Variants in ANKLE2 observed in about 807,000 individuals in gnomAD.
The protein encoded by ANKLE2 is ankyrin repeat and LEM domain-containing protein 2.
ANKLE2 carries 55 observed loss-of-function variants against 84.2 expected under a neutral mutation model. The observed-to-expected ratio is 0.65, with a 90% CI of 0.53 to 0.82. The LOEUF is 0.82. ANKLE2 is among the 40% of genes least tolerant of loss of function. The probability of loss-of-function intolerance (pLI) is 0.00; values close to 1 mark genes in which losing one functional copy is unlikely to be tolerated. For missense variants in ANKLE2, 1,238 were observed against 1,201.9 expected, an observed-to-expected ratio of 1.03 and a Z score of -0.44; for synonymous variants, 551 against 486.1, an observed-to-expected ratio of 1.13 and a Z score of -1.76.
intron 12 of ANKLE2, 65 bp from the exon 13 acceptor site, chr12:132,727,508 G>A (rs1460120293): frequency 1.3e-5 from 18 of 1,401,222 alleles, no homozygotes; most frequent in Middle Eastern, 1.8e-4. Flanking sequence ...AGCAAAAGTC[G>A]GAGAATAATG....
At position 132,743,369 on chromosome 12, in the gene ANKLE2, A is replaced by G; in HGVS notation, c.1231-93T>C. On this transcript the variant is annotated intron_variant, in intron 5 of 12. Coordinates refer to ENST00000357997, the MANE Select transcript of ANKLE2 (RefSeq NM_015114.3). This position sits in a 1 kb window ranked among gnomAD's most constrained non-coding sequence, Gnocchi z 4.1. ...TACATATTCATTCATTCATTCATTC[A>G]TTTATTTATTTTGAGACGGAGTCTC... The G allele has an allele frequency of 7.0e-7, 1 of 1,420,202 alleles. No individual in the cohort carries two copies. The highest frequency in any genetic ancestry group is 9.4e-7 in the Non-Finnish European group (1 of 1,068,610). 88.0% of individuals were successfully genotyped at this position (1,420,202 alleles called of 1,614,324 possible). A position where few individuals can be genotyped will look rare whatever the true frequency, so the allele number is the denominator to read the frequency against.
intron 2 of ANKLE2, among the ~76,000 whole-genome samples, chr12:132,752,771 T>G (rs1018076710): frequency 6.6e-6 from 1 of 152,190 alleles, no homozygotes; most frequent in African/African-American, 2.4e-5. Flanking sequence ...GGTATCACAG[T>G]AATAACAATA....
intron 3 of ANKLE2, among the ~76,000 whole-genome samples, chr12:132,749,779 C>G (rs777505023): frequency 6.6e-6 from 1 of 152,236 alleles, no homozygotes; most frequent in Non-Finnish European, 1.5e-5. Context: ...GGGCATGGGT[C>G]AGACTTCGGG....
rs1477413314 is a variant in ANKLE2, at chr12:132,748,187, C to T, written c.992G>A (p.Ser331Asn). The T allele has an allele frequency of 6.2e-7, 1 of 1,614,010 alleles. No individual in the cohort carries two copies. The highest frequency in any genetic ancestry group is 2.2e-5 in the East Asian group (1 of 44,882). The change falls in exon 4 of 13, where the codon AGC (serine) becomes AAC (asparagine). Residue 331 changes from serine (S) to asparagine (N), a missense_variant. Coordinates refer to ENST00000357997, the MANE Select transcript of ANKLE2 (RefSeq NM_015114.3). The stretch of plus-strand genomic sequence containing the variant: ...TGAGCCTATCAGATACCGGGGGTTG[C>T]TCCAGATAAGGTCAGAAAAGGTGTC... ...EEDTFSDLIWSNPRYLIGSGD... is the reference protein window; with the variant it reads ...EEDTFSDLIWNNPRYLIGSGD...
chr12:132,733,448 G>C (rs1242419443), intron 10 of ANKLE2, among the ~76,000 whole-genome samples: 125 of 93,570 alleles, frequency 1.3e-3, no homozygotes, highest in Middle Eastern at 0.012. Flanking sequence ...CTCTCTGCGT[G>C]CTGGTGTCTG....
At chr12:132,728,329 A>G (rs1428484626) in intron 11 of ANKLE2, among the ~76,000 whole-genome samples, 166 bp from the exon 12 acceptor site, 6 of 152,122 alleles carry the variant, frequency 3.9e-5, no homozygotes, top group Admixed American at 1.3e-4. Flanking sequence ...TCCCGGGTTC[A>G]AGCAATTCTC....
Position 132,729,888 on chromosome 12 carries a change from A to G in ANKLE2, c.2274T>C (p.Thr758=). 3.1e-6 allele frequency: 5 copies of G among 1,613,558 alleles called. No individual in the cohort carries two copies. The highest frequency in any genetic ancestry group is 4.2e-6 in the Non-Finnish European group (5 of 1,179,868). ...TTCTTGAAGTCAGGATCTGATCTTT[A>G]GTTTTTGTACTTTCATCTGGTGTCT... ...VSKTPDESTK[T]KDQILTSRIN... Residue 758 remains threonine (T), a synonymous_variant, in exon 11 of 13, where the codon ACT becomes ACC. Transcript: ENST00000357997.
intron 9 of ANKLE2, chr12:132,734,918 T>C (rs2043977555): frequency 9.9e-6 from 3 of 301,842 alleles, no homozygotes; most frequent in East Asian, 8.8e-5. Flanking sequence ...CCCTGTGAAC[T>C]TGCCCGTGGT....
chr12:132,752,174 C>G (rs1215601562), intron 2 of ANKLE2, among the ~76,000 whole-genome samples: 2 of 151,946 alleles, frequency 1.3e-5, no homozygotes, highest in African/African-American at 4.8e-5. Flanking sequence ...AACCCTGTCT[C>G]TACTAAAAAT....
At chr12:132,752,005 G>GTCTGT (rs2044367576) in intron 2 of ANKLE2, among the ~76,000 whole-genome samples, 3 of 152,174 alleles carry the variant, frequency 2.0e-5, no homozygotes, top group African/African-American at 7.2e-5. Flanking sequence ...AAAAATTTAT[G>GTCTGT]AACAATGTAA....
intron 1 of ANKLE2, chr12:132,759,526 C>CACG (rs1566042450): frequency 9.2e-4 from 66 of 71,508 alleles, no homozygotes; most frequent in African/African-American, 5.6e-3. Context: ...TATATGTATA[C>CACG]TATATGTGCT....
At chr12:132,744,023 G>A (rs768997896) in intron 5 of ANKLE2, among the ~76,000 whole-genome samples, 8 of 152,170 alleles carry the variant, frequency 5.3e-5, no homozygotes, top group Non-Finnish European at 1.0e-4. Flanking sequence ...TCGCGCCCTG[G>A]CTGGGAACCC....
chr12:132,741,369 G>A, intron 7 of ANKLE2, 50 bp downstream of exon 7: 1 of 1,586,362 alleles, frequency 6.3e-7, no homozygotes, highest in Non-Finnish European at 8.7e-7. Flanking sequence ...ACGCTCCAAG[G>A]CCCTTCCCGG....
chr12:132,732,631 G>A (rs1387720284), intron 10 of ANKLE2, among the ~76,000 whole-genome samples: 3 of 110,946 alleles, frequency 2.7e-5, no homozygotes, highest in Non-Finnish European at 3.7e-5. Flanking sequence ...TGTCTGATAC[G>A]CACCGTGAAG....
intron 1 of ANKLE2, chr12:132,758,962 G>A (rs544459900): frequency 7.0e-6 from 1 of 141,998 alleles, no homozygotes; most frequent in East Asian, 2.4e-4. Context: ...GCACCCCGGG[G>A]CACCCACGTG....
chr12:132,731,256 A>G (rs961292371), intron 10 of ANKLE2: 1 of 152,238 alleles, frequency 6.6e-6, no homozygotes, highest in Non-Finnish European at 1.5e-5. Flanking sequence ...AGGCCGCTTT[A>G]CAGAAGTGAG....
chr12:132,761,633 C>T lies in ANKLE2; in HGVS notation c.166G>A (p.Ala56Thr). ...GTPVPPPSAAAAPASGEMTMD... is the reference protein window; with the variant it reads ...GTPVPPPSAATAPASGEMTMD... ...TGGGCCTTACCTGAGGCGGGGGCGG[C>T]GGCCGCGCTTGGCGGAGGAACTGGG... The change falls in exon 1 of 13, where the codon GCC becomes ACC. Residue 56 changes from alanine to threonine, a missense_variant. Around this residue, in one of 3 missense-constraint regions of ANKLE2, gnomAD observed 422 missense variants for 394.5 expected, o/e 1.07. Coordinates refer to ENST00000357997, the MANE Select transcript of ANKLE2 (RefSeq NM_015114.3). 2 of 1,260,210 alleles carry T rather than the reference C, an allele frequency of 1.6e-6. No individual in the cohort carries two copies. The highest frequency in any genetic ancestry group is 3.2e-5 in the East Asian group (1 of 30,828). 78.1% of individuals were successfully genotyped at this position (1,260,210 alleles called of 1,614,324 possible).
intron 12 of ANKLE2, among the ~76,000 whole-genome samples, chr12:132,727,687 T>C (rs10437917): frequency 0.024 from 1,384 of 58,490 alleles, no homozygotes; most frequent in East Asian, 0.048. Context: ...CGTGGGCACA[T>C]GCGTCTGGGT....
intron 8 of ANKLE2, among the ~76,000 whole-genome samples, chr12:132,736,333 G>A (rs933741146): frequency 1.1e-4 from 16 of 152,202 alleles, no homozygotes; most frequent in Admixed American, 3.3e-4. Flanking sequence ...TATTCCAACA[G>A]GAGAAAGAAT....
Sources: gnomAD v4.1 joint callset for allele counts (sites outside exome capture counted in the v4.1 genomes callset) on GRCh38, gnomAD v4.1.1 for gene constraint, gnomAD v4.1.1 regional missense constraint, Gnocchi (gnomAD v3.1) non-coding constraint, MANE v1.5 for transcripts, NCBI Gene and HGNC (gene_info 2026-07-23, HGNC 2026-07-21) for gene names.